The following RIOK1 variants were observed in gnomAD, a reference collection of about 807,000 sequenced individuals.
RIOK1 encodes the protein RIO kinase 1.
A neutral mutation model predicts 73.5 loss-of-function variants in RIOK1; 66 were observed. The ratio of observed to expected loss-of-function variants is 0.90; its 90% CI spans 0.74 to 1.10. The LOEUF (loss-of-function observed/expected upper bound fraction) is 1.10, where lower values mean the gene tolerates loss of function less well. Ranked by LOEUF, RIOK1 falls within the 50% of genes least tolerant of loss-of-function variation. The pLI, the probability that RIOK1 is intolerant of heterozygous loss-of-function variation, is 0.00. For synonymous variants in RIOK1, 224 were observed against 226.8 expected, an observed-to-expected ratio of 0.99 and a Z score of 0.11; for missense variants, 658 against 699.8, an observed-to-expected ratio of 0.94 and a Z score of 0.67.
intron 12 of RIOK1, 21 bp from the exon 13 acceptor site, chr6:7,410,365 C>A (rs777348385): frequency 6.3e-7 from 1 of 1,580,160 alleles, no homozygotes; most frequent in South Asian, 1.1e-5. Flanking sequence ...AAAAGAAAGT[C>A]ATTTTTGTTT....
intron 12 of RIOK1, among the ~76,000 whole-genome samples, chr6:7,405,935 T>C (rs1254134243): frequency 6.6e-6 from 1 of 151,800 alleles, no homozygotes; most frequent in African/African-American, 2.4e-5. Context: ...TTCTTTTCCC[T>C]TGTTTCTCAG....
intron 13 of RIOK1, 74 bp downstream of exon 13, chr6:7,410,525 G>A: frequency 1.1e-6 from 1 of 917,240 alleles, no homozygotes; most frequent in Non-Finnish European, 1.7e-6. Context: ...TGTTGCTAGA[G>A]CATAAACTTG....
intron 14 of RIOK1, 119 bp from the exon 15 acceptor site, chr6:7,412,770 C>A: frequency 2.3e-6 from 1 of 433,252 alleles, no homozygotes; most frequent in Non-Finnish European, 4.1e-6. Flanking sequence ...TTTTAGATAC[C>A]TTTTTATAAT....
intron 1 of RIOK1, among the ~76,000 whole-genome samples, chr6:7,390,589 G>C (rs1241292194): frequency 6.6e-6 from 1 of 152,044 alleles, no homozygotes; most frequent in Non-Finnish European, 1.5e-5. Flanking sequence ...GTTAAGTCCA[G>C]ATTTGAATGA....
chr6:7,404,987 G>A lies in RIOK1; in HGVS notation c.1062G>A (p.Leu354=), dbSNP rs775450861. The A allele has an allele frequency of 1.2e-6, 2 of 1,614,020 alleles. No individual in the cohort carries two copies. Among genetic ancestry groups the A allele is most frequent in the East Asian group, 4.5e-5 (2 of 44,898 alleles). ...QSVEHDHPHA[L]EFLRKDCANV... ...TGGAGCACGACCACCCACATGCCTTGGAGTTCTTGAGAAAGGATTGCGCCA... is the reference window on the plus strand; with the variant it reads ...TGGAGCACGACCACCCACATGCCTTAGAGTTCTTGAGAAAGGATTGCGCCA... The change falls in exon 11 of 17, where the codon TTG becomes TTA. Residue 354 remains leucine (L), a synonymous_variant. Coordinates refer to ENST00000379834, the MANE Select transcript of RIOK1 (RefSeq NM_031480.3).
Position 7,405,279 on chromosome 6 carries a change from T to C in RIOK1, c.1127T>C (p.Met376Thr). Reference protein sequence around the residue: ...DFFMRHSVAVMTVRELFEFVT... With the variant: ...DFFMRHSVAVTTVRELFEFVT... ...TTTATGAGGCACAGTGTTGCTGTCA[T>C]GACTGTGCGGGAGCTCTTTGAATTT... Residue 376 changes from methionine (M) to threonine (T), a missense_variant, in exon 12 of 17, where the codon ATG (methionine) becomes ACG (threonine). By Grantham distance (81) the Met-to-Thr change is moderately conservative. Coordinates refer to ENST00000379834, the MANE Select transcript of RIOK1 (RefSeq NM_031480.3). The C allele has an allele frequency of 6.2e-7, 1 of 1,612,416 alleles. No individual in the cohort carries two copies.
At chr6:7,408,161 T>C (rs1017468459) in intron 12 of RIOK1, among the ~76,000 whole-genome samples, 2 of 152,160 alleles carry the variant, frequency 1.3e-5, no homozygotes, top group Non-Finnish European at 2.9e-5. Flanking sequence ...CTCAGCCTCC[T>C]GAATAGCTGG....
In RIOK1 at chr6:7,417,592, A is replaced by G. The variant is rs930568514; in HGVS notation, c.*151A>G. The G allele has an allele frequency of 4.2e-5, 21 of 494,944 alleles. No homozygotes were observed. The highest frequency in any genetic ancestry group is 2.6e-4 in the African/African-American group (13 of 50,544). 30.7% of individuals were successfully genotyped at this position (494,944 alleles called of 1,614,324 possible). A position where few individuals can be genotyped will look rare whatever the true frequency, so the allele number is the denominator to read the frequency against. On this transcript the variant is annotated 3_prime_UTR_variant, in exon 17 of 17. Coordinates refer to ENST00000379834, the MANE Select transcript of RIOK1 (RefSeq NM_031480.3). ...CGGATTCAAATGTTTTCATGTAACTATGTAAAAAGCTCTAAGCTCTAGAGT... is the reference window on the plus strand; with the variant it reads ...CGGATTCAAATGTTTTCATGTAACTGTGTAAAAAGCTCTAAGCTCTAGAGT...
In RIOK1 at chr6:7,404,863, C is replaced by T. The variant is rs541794858; in HGVS notation, c.993-55C>T. 8.5e-4 allele frequency: 1,225 copies of T among 1,438,556 alleles called. 1 individual carries two copies. Among genetic ancestry groups the T allele is most frequent in the African/African-American group, 2.9e-3 (208 of 71,294 alleles). 89.1% of individuals were successfully genotyped at this position (1,438,556 alleles called of 1,614,324 possible). A position where few individuals can be genotyped will look rare whatever the true frequency, so the allele number is the denominator to read the frequency against. ...TTTTAAGAGTAGAATTTATTTTAAA[C>T]GAAAAACATAGTAAAGTAATACCAT... On this transcript the variant is annotated intron_variant, in intron 10 of 16. Coordinates refer to ENST00000379834, the MANE Select transcript of RIOK1 (RefSeq NM_031480.3).
chr6:7,393,086 T>A lies in RIOK1; in HGVS notation c.72-13T>A, dbSNP rs759927258. The A allele has an allele frequency of 6.2e-7, 1 of 1,608,268 alleles. No homozygotes were observed. The highest frequency in any genetic ancestry group is 8.5e-7 in the Non-Finnish European group (1 of 1,175,332). Reference sequence around the variant, plus strand: ...AATATTGTTATGAAATAATAAAACATTGTTATTTCTAGTGAAAACAGAGAC... The same window carrying A: ...AATATTGTTATGAAATAATAAAACAATGTTATTTCTAGTGAAAACAGAGAC... On this transcript the variant is annotated splice_polypyrimidine_tract_variant and intron_variant, in intron 1 of 16. Transcript: ENST00000379834.
chr6:7,396,284 TAA>T lies in RIOK1; in HGVS notation c.368-417_368-416del, dbSNP rs370122136. Among the ~76,000 whole-genome samples, 327 of 152,348 alleles carry T rather than the reference TAA, an allele frequency of 2.1e-3. 2 individuals are homozygous for T. Among genetic ancestry groups the T allele is most frequent in the African/African-American group, 7.6e-3 (316 of 41,582 alleles). The stretch of plus-strand genomic sequence containing the variant: ...TCTCATATAAGCTGTCAATACATGC[TAA>T]ATTAATATAAGTATTTTAGGGCCTT... On this transcript the variant is annotated intron_variant, in intron 3 of 16. Coordinates refer to ENST00000379834, the MANE Select transcript of RIOK1 (RefSeq NM_031480.3).
At chr6:7,407,180 T>C (rs1198219090) in intron 12 of RIOK1, among the ~76,000 whole-genome samples, 2 of 152,196 alleles carry the variant, frequency 1.3e-5, no homozygotes, top group Non-Finnish European at 2.9e-5. Flanking sequence ...TCAAATGATA[T>C]TTCTATTTTC....
rs549783628 is a variant in RIOK1, at chr6:7,415,181, T to C, written c.1596+791T>C. On this transcript the variant is annotated intron_variant, in intron 16 of 16. Transcript: ENST00000379834. ...CTTAACAAGGAACTCATGCCTGTAA[T>C]CCTAGCACTTTGGGAGGCCAAGGAG... 9.3e-4 allele frequency among the ~76,000 whole-genome samples: 142 copies of C among 152,304 alleles called. 1 individual carries two copies. Among genetic ancestry groups the C allele is most frequent in the African/African-American group, 3.2e-3 (134 of 41,576 alleles).
intron 5 of RIOK1, 83 bp downstream of exon 5, chr6:7,398,823 TG>T: frequency 8.6e-7 from 1 of 1,168,570 alleles, no homozygotes; most frequent in Admixed American, 2.0e-5. Flanking sequence ...TTATCCTTTT[TG>T]CTTAATGCTA....
At chr6:7,394,944 CCT>C in intron 2 of RIOK1, 107 bp from the exon 3 acceptor site, 1 of 1,503,752 alleles carries the variant, frequency 6.7e-7, no homozygotes. Context: ...TTAAGATACT[CCT>C]CTAAGTATTG....
At chr6:7,391,383 G>A (rs1761337182) in intron 1 of RIOK1, among the ~76,000 whole-genome samples, 1 of 152,152 alleles carries the variant, frequency 6.6e-6, no homozygotes, top group South Asian at 2.1e-4. Flanking sequence ...GAAAAATAGG[G>A]AAGACTTCCT....
At chr6:7,409,902 G>A (rs1461588662) in intron 12 of RIOK1, among the ~76,000 whole-genome samples, 1 of 149,872 alleles carries the variant, frequency 6.7e-6, no homozygotes, top group Middle Eastern at 3.2e-3. Context: ...TGGAATCTTT[G>A]TCACCCTCGT....
chr6:7,408,687 C>G (rs1380603702), intron 12 of RIOK1, among the ~76,000 whole-genome samples: 2 of 151,386 alleles, frequency 1.3e-5, no homozygotes, highest in Non-Finnish European at 2.9e-5. Context: ...TTTTATTCCT[C>G]AACTTTTTAA....
In RIOK1 at chr6:7,414,344, A is replaced by G. The variant is rs376812522; in HGVS notation, c.1550A>G (p.His517Arg). 103 of 1,613,340 alleles carry G rather than the reference A, an allele frequency of 6.4e-5. No homozygotes were observed. The highest frequency in any genetic ancestry group is 1.3e-4 in the Admixed American group (8 of 59,806). ...ACAGACTCTGAAGAGCAGGGAGACC[A>G]TGCCCGCCCCAAGAAACACACCACG... ...SDTDSEEQGD[H>R]ARPKKHTTDP... Residue 517 changes from histidine (H) to arginine (R), a missense_variant, in exon 16 of 17, where the codon CAT (histidine) becomes CGT (arginine). Coordinates refer to ENST00000379834, the MANE Select transcript of RIOK1 (RefSeq NM_031480.3).
Sources: gnomAD v4.1 joint callset for allele counts (sites outside exome capture counted in the v4.1 genomes callset) on GRCh38, gnomAD v4.1.1 for gene constraint, MANE v1.5 for transcripts, NCBI Gene and HGNC (gene_info 2026-07-23, HGNC 2026-07-21) for gene names.